The following MTBP variants were observed in gnomAD, a reference collection of about 807,000 sequenced individuals.
MTBP encodes the protein MDM2 binding protein.
A neutral mutation model predicts 117.0 loss-of-function variants in MTBP; 101 were observed. The observed-to-expected ratio is 0.86, with a 90% CI of 0.73 to 1.02. The LOEUF is 1.02. MTBP is among the 50% of genes least tolerant of loss of function. The probability of loss-of-function intolerance (pLI) is 0.00; values close to 1 mark genes in which losing one functional copy is unlikely to be tolerated. For missense variants in MTBP, 970 were observed against 1,030.9 expected (o/e 0.94, Z 0.81); for synonymous variants, 350 against 351.5 (o/e 1.00, Z 0.05).
At chr8:120,507,374 A>C (rs542719408) in intron 16 of MTBP, among the ~76,000 whole-genome samples, 36 of 152,254 alleles carry the variant, frequency 2.4e-4, no homozygotes, top group African/African-American at 8.7e-4. Flanking sequence ...ATTACAACTA[A>C]TTTGACTTCC....
intron 4 of MTBP, chr8:120,452,354 TATC>T (rs1350776500): frequency 1.3e-5 from 2 of 152,218 alleles, no homozygotes; most frequent in African/African-American, 4.8e-5. Context: ...ACCAGAGAAA[TATC>T]ATTGAACCAG....
At chr8:120,486,567 G>A (rs1318561623) in intron 11 of MTBP, among the ~76,000 whole-genome samples, 1 of 152,212 alleles carries the variant, frequency 6.6e-6, no homozygotes, top group Admixed American at 6.5e-5. Flanking sequence ...ATATGCGTCA[G>A]GAATTTAGTC....
At chr8:120,451,918 T>C (rs971899953) in intron 4 of MTBP, 1 of 152,236 alleles carries the variant, frequency 6.6e-6, no homozygotes, top group Non-Finnish European at 1.5e-5. Context: ...AGAAATGTTA[T>C]TTAATGTTAA....
intron 10 of MTBP, among the ~76,000 whole-genome samples, chr8:120,464,667 T>G (rs934387837): frequency 7.9e-5 from 12 of 152,096 alleles, no homozygotes; most frequent in African/African-American, 2.9e-4. Flanking sequence ...AATTTTGGCT[T>G]CTGGCCTCTT....
chr8:120,495,057 C>A (rs1814422153), intron 13 of MTBP, among the ~76,000 whole-genome samples: 1 of 152,002 alleles, frequency 6.6e-6, no homozygotes, highest in East Asian at 1.9e-4. Flanking sequence ...TCAGAATGTT[C>A]TTTTTCCTAG....
At chr8:120,517,290 G>A (rs558933128) in intron 18 of MTBP, among the ~76,000 whole-genome samples, 2 of 152,072 alleles carry the variant, frequency 1.3e-5, no homozygotes, top group African/African-American at 4.8e-5. Flanking sequence ...ACAGGTTGTG[G>A]TGTTTCTGTT....
intron 18 of MTBP, 98 bp from the exon 19 acceptor site, chr8:120,517,744 GATGTTGATT>G: frequency 1.8e-6 from 2 of 1,135,948 alleles, no homozygotes; most frequent in Non-Finnish European, 2.5e-6. Context: ...AATGAACTTC[GATGTTGATT>G]CACTTAATGG....
chr8:120,476,192 G>A (rs1208286215), intron 11 of MTBP, among the ~76,000 whole-genome samples: 3 of 151,904 alleles, frequency 2.0e-5, no homozygotes, highest in South Asian at 2.1e-4. Context: ...TTCGGCCTTC[G>A]ATAAACTTAA....
At chr8:120,474,104 G>A (rs904769552) in intron 11 of MTBP, among the ~76,000 whole-genome samples, 1 of 151,784 alleles carries the variant, frequency 6.6e-6, no homozygotes, top group African/African-American at 2.4e-5. Context: ...CATGTGGCTT[G>A]ATTTGATTTT....
chr8:120,508,670 A>T (rs1586969932), intron 16 of MTBP, among the ~76,000 whole-genome samples: 1 of 152,160 alleles, frequency 6.6e-6, no homozygotes, highest in Non-Finnish European at 1.5e-5. Flanking sequence ...ATAGGGGGGA[A>T]AATGTGATAG....
Position 120,523,147 on chromosome 8 carries a change from A to T in MTBP, c.2677-151A>T. On this transcript the variant is annotated intron_variant, in intron 21 of 21. Transcript: ENST00000305949. ...CCAACAAAAATGTTCTTCCATTAGA[A>T]AATAAAATGTGTATTTAAGTATAAG... The T allele has an allele frequency of 7.1e-6, 4 of 564,554 alleles. No individual in the cohort carries two copies. In the South Asian group the frequency reaches 1.1e-4, roughly 15 times the overall value. 35.0% of individuals were successfully genotyped at this position (564,554 alleles called of 1,614,324 possible).
At chr8:120,460,630 G>A (rs908517926) in intron 8 of MTBP, among the ~76,000 whole-genome samples, 4 of 152,164 alleles carry the variant, frequency 2.6e-5, no homozygotes, top group Admixed American at 2.0e-4. Flanking sequence ...TCTGAATGGA[G>A]CTTTCTATGT....
intron 14 of MTBP, among the ~76,000 whole-genome samples, chr8:120,499,014 T>G (rs1286552730): frequency 6.6e-6 from 1 of 152,196 alleles, no homozygotes; most frequent in Non-Finnish European, 1.5e-5. Context: ...CAAAAAGGTT[T>G]GAGCAAAGGA....
intron 11 of MTBP, among the ~76,000 whole-genome samples, chr8:120,476,445 A>G (rs1391199744): frequency 6.6e-6 from 1 of 152,120 alleles, no homozygotes; most frequent in African/African-American, 2.4e-5. Context: ...GTATTCAGAT[A>G]GGAAGAGAGG....
chr8:120,452,904 G>A (rs538160876), intron 4 of MTBP: 29 of 151,970 alleles, frequency 1.9e-4, no homozygotes, highest in African/African-American at 7.0e-4. Context: ...TTCCACAAGG[G>A]GGAGCCTGAA....
chr8:120,518,585 TG>T, intron 19 of MTBP, 118 bp from the exon 20 acceptor site: 1 of 596,272 alleles, frequency 1.7e-6, no homozygotes, highest in Non-Finnish European at 2.9e-6. Flanking sequence ...TTAATGAACC[TG>T]TCTGTCTTTT....
chr8:120,455,338 C>G (rs1792205499), intron 5 of MTBP, 97 bp from the exon 6 acceptor site: 1 of 607,916 alleles, frequency 1.6e-6, no homozygotes, highest in African/African-American at 1.9e-5. Context: ...ACTAATTTTT[C>G]TAAATAAACA....
At chr8:120,457,160 C>A (rs1397714765) in intron 7 of MTBP, among the ~76,000 whole-genome samples, 1 of 152,056 alleles carries the variant, frequency 6.6e-6, no homozygotes, top group African/African-American at 2.4e-5. Context: ...ATTTTTTTAA[C>A]CTTACTGGAC....
intron 13 of MTBP, among the ~76,000 whole-genome samples, chr8:120,495,787 A>C (rs920494140): frequency 1.3e-5 from 2 of 151,888 alleles, no homozygotes; most frequent in Non-Finnish European, 2.9e-5. Flanking sequence ...AGCATCCTGT[A>C]CTTATTTCAT....
Sources: allele counts gnomAD v4.1 joint callset (sites outside exome capture counted in the v4.1 genomes callset), GRCh38; gene constraint gnomAD v4.1.1; transcripts MANE v1.5; gene names NCBI Gene and HGNC (gene_info 2026-07-23, HGNC 2026-07-21).